ITGB8: variants seen among roughly 807,000 people sequenced by gnomAD.
The protein encoded by ITGB8 is integrin beta-8.
ITGB8 carries 30 observed loss-of-function variants against 89.5 expected under a neutral mutation model. The ratio of observed to expected loss-of-function variants is 0.34; its 90% confidence interval spans 0.25 to 0.45. ITGB8 has a LOEUF of 0.45. Among genes scored for constraint, ITGB8 ranks in the 20% least tolerant of loss-of-function variants. The pLI, the probability that ITGB8 is intolerant of heterozygous loss-of-function variation, is 1.00. For synonymous variants in ITGB8, 335 were observed against 320.4 expected, an observed-to-expected ratio of 1.05 and a Z score of -0.49; for missense variants, 836 against 933.3, an observed-to-expected ratio of 0.90 and a Z score of 1.36.
intron 2 of ITGB8, 52 bp from the exon 3 acceptor site, chr7:20,366,960 G>A (rs756008216): frequency 1.6e-6 from 2 of 1,240,356 alleles, no homozygotes; most frequent in Non-Finnish European, 2.3e-6. Context: ...ATTTTCTTTG[G>A]ATGTAATTGA....
At chr7:20,409,506 G>T (rs1787680400) in intron 12 of ITGB8, 109 bp from the exon 13 acceptor site, 1 of 683,922 alleles carries the variant, frequency 1.5e-6, no homozygotes, top group Non-Finnish European at 2.3e-6. Context: ...ATGGAGATTT[G>T]CAAATATCTT....
intron 8 of ITGB8, among the ~76,000 whole-genome samples, 200 bp from the exon 9 acceptor site, chr7:20,398,660 T>C (rs1787185279): frequency 6.6e-6 from 1 of 152,230 alleles, no homozygotes; most frequent in Non-Finnish European, 1.5e-5. Context: ...GCAGATAATC[T>C]AATCCTTCAG....
At chr7:20,402,265 A>G in intron 10 of ITGB8, 139 bp downstream of exon 10, 2 of 702,628 alleles carry the variant, frequency 2.8e-6, no homozygotes, top group Non-Finnish European at 4.5e-6. Context: ...AGTCCATGAA[A>G]TTAGGGCATG....
At chr7:20,361,653 C>A (rs191877583) in intron 1 of ITGB8, among the ~76,000 whole-genome samples, 9 of 152,302 alleles carry the variant, frequency 5.9e-5, no homozygotes, top group Non-Finnish European at 1.0e-4. Context: ...CACACTCAGA[C>A]CACAGCAGTT....
intron 6 of ITGB8, among the ~76,000 whole-genome samples, chr7:20,388,077 CATT>C (rs1321709984): frequency 2.0e-5 from 3 of 152,154 alleles, no homozygotes; most frequent in Admixed American, 6.5e-5. Context: ...TAGATATACA[CATT>C]ATTAAAATTC....
In ITGB8 at chr7:20,381,563, T is replaced by C. The variant is rs190496298; in HGVS notation, c.802-164T>C. On this transcript the variant is annotated intron_variant, in intron 5 of 13. Coordinates refer to ENST00000222573, the MANE Select transcript of ITGB8 (RefSeq NM_002214.3). ...CATGGCTGTGGGAAAATAGAGGATG[T>C]ACAAATAAAAGTTAAAGCTATTTAC... 4.4e-3 allele frequency: 2,402 copies of C among 540,466 alleles called. 21 individuals are homozygous for C. The highest frequency in any genetic ancestry group is 0.018 in the African/African-American group (938 of 51,980). The allele number at this position is 540,466 out of a possible 1,614,324, so 33.5% of individuals were successfully genotyped here.
intron 8 of ITGB8, among the ~76,000 whole-genome samples, chr7:20,397,623 A>G (rs545653089): frequency 4.7e-4 from 71 of 152,344 alleles, no homozygotes; most frequent in African/African-American, 1.6e-3. Flanking sequence ...TCCACATATG[A>G]ACATCTTTGT....
chr7:20,357,947 C>T (rs941323143), intron 1 of ITGB8, among the ~76,000 whole-genome samples: 3 of 151,798 alleles, frequency 2.0e-5, no homozygotes, highest in African/African-American at 7.3e-5. Flanking sequence ...TTTTTGTTAT[C>T]GTTGTTGTTT....
At chr7:20,354,592 C>A (rs1583482349) in intron 1 of ITGB8, among the ~76,000 whole-genome samples, 1 of 152,150 alleles carries the variant, frequency 6.6e-6, no homozygotes, top group East Asian at 1.9e-4. Context: ...GAGGCCTGGG[C>A]TCCTTTTCTC....
At chr7:20,352,651 G>A (rs1047020063) in intron 1 of ITGB8, 37 of 152,306 alleles carry the variant, frequency 2.4e-4, no homozygotes, top group African/African-American at 7.7e-4. Context: ...TTGAGAGAGT[G>A]TATCTTTAAC....
intron 1 of ITGB8, among the ~76,000 whole-genome samples, chr7:20,334,296 A>G (rs960942380): frequency 6.6e-6 from 1 of 152,218 alleles, no homozygotes; most frequent in Admixed American, 6.5e-5. Flanking sequence ...AAAAACATAA[A>G]GTATATCTAG....
intron 3 of ITGB8, among the ~76,000 whole-genome samples, chr7:20,369,642 T>C (rs993464879): frequency 6.6e-6 from 1 of 152,212 alleles, no homozygotes; most frequent in Non-Finnish European, 1.5e-5. Flanking sequence ...ATTCAGTCGA[T>C]AGCATTTGAT....
intron 6 of ITGB8, among the ~76,000 whole-genome samples, chr7:20,390,024 A>C (rs1299887317): frequency 6.6e-6 from 1 of 152,200 alleles, no homozygotes; most frequent in Non-Finnish European, 1.5e-5. Flanking sequence ...ACAGAGAAAT[A>C]AAGTGTTATT....
At chr7:20,397,489 G>A (rs1787134947) in intron 8 of ITGB8, among the ~76,000 whole-genome samples, 1 of 152,130 alleles carries the variant, frequency 6.6e-6, no homozygotes, top group Non-Finnish European at 1.5e-5. Flanking sequence ...GCCTCCCAAA[G>A]AGCTGGGATT....
chr7:20,403,015 A>C (rs1277945877), intron 10 of ITGB8, among the ~76,000 whole-genome samples: 1 of 152,232 alleles, frequency 6.6e-6, no homozygotes, highest in Non-Finnish European at 1.5e-5. Flanking sequence ...TTGTTAAATT[A>C]TTGACGAATG....
At chr7:20,356,591 G>A (rs3807939) in intron 1 of ITGB8, among the ~76,000 whole-genome samples, 86,353 of 151,834 alleles carry the variant, frequency 0.57, 25,025 homozygotes, top group South Asian at 0.72. Flanking sequence ...AAATGCAATT[G>A]GGAAAGGGAT....
intron 1 of ITGB8, among the ~76,000 whole-genome samples, chr7:20,336,864 C>CTTGAGGATAATA (rs1784595156): frequency 1.3e-5 from 2 of 152,176 alleles, no homozygotes; most frequent in South Asian, 4.1e-4. Context: ...CCATAGATAA[C>CTTGAGGATAATA]TTGAGGATAA....
intron 11 of ITGB8, among the ~76,000 whole-genome samples, chr7:20,405,196 A>G (rs1029697585): frequency 1.3e-5 from 2 of 152,096 alleles, no homozygotes; most frequent in Admixed American, 1.3e-4. Flanking sequence ...GATAGTAATA[A>G]TACCTTGCTG....
chr7:20,334,097 T>C (rs1784499313), intron 1 of ITGB8, among the ~76,000 whole-genome samples: 3 of 152,178 alleles, frequency 2.0e-5, no homozygotes, highest in African/African-American at 7.2e-5. Flanking sequence ...AAGCAGAATT[T>C]ATAGGTCTCG....
Sources: gnomAD v4.1 joint callset for allele counts (sites outside exome capture counted in the v4.1 genomes callset) on GRCh38, gnomAD v4.1.1 for gene constraint, MANE v1.5 for transcripts, NCBI Gene and HGNC (gene_info 2026-07-23, HGNC 2026-07-21) for gene names.